Variants in PICK1 observed in about 807,000 individuals in gnomAD.
PICK1 encodes PRKCA-binding protein.
PICK1 carries 23 observed loss-of-function variants against 48.9 expected under a neutral mutation model. The ratio of observed to expected loss-of-function variants is 0.47; its 90% CI spans 0.34 to 0.67. The LOEUF is 0.67. Ranked by LOEUF, PICK1 falls within the 30% of genes least tolerant of loss-of-function variation. PICK1 has a pLI of 0.01. For synonymous variants in PICK1, 217 were observed against 228.2 expected, an observed-to-expected ratio of 0.95 and a Z score of 0.44; for missense variants, 423 against 557.1, an observed-to-expected ratio of 0.76 and a Z score of 2.42.
intron 6 of PICK1, among the ~76,000 whole-genome samples, chr22:38,069,883 C>G (rs1406788627): frequency 9.2e-5 from 14 of 152,198 alleles, no homozygotes; most frequent in Admixed American, 5.9e-4. Flanking sequence ...GTTTTTCCCC[C>G]CAAACCTTGC....
intron 5 of PICK1, chr22:38,068,121 G>A (rs2085577426): frequency 2.1e-6 from 1 of 485,288 alleles, no homozygotes; most frequent in South Asian, 1.5e-5. Flanking sequence ...CATAAAGGGA[G>A]AGCAGCCTAA....
At chr22:38,065,206 A>C in intron 4 of PICK1, 76 bp downstream of exon 4, 2 of 1,500,598 alleles carry the variant, frequency 1.3e-6, no homozygotes, top group South Asian at 2.4e-5. Flanking sequence ...CAGAGGTCCC[A>C]GCAGGCCTGG....
chr22:38,067,235 T>C (rs1201481667), intron 4 of PICK1, among the ~76,000 whole-genome samples: 2 of 150,350 alleles, frequency 1.3e-5, no homozygotes, highest in Non-Finnish European at 3.0e-5. Flanking sequence ...GGGAGGGGCC[T>C]GGGATCAGAC....
In PICK1 at chr22:38,066,780, C is replaced by T. The variant is rs1026553834; in HGVS notation, c.283-924C>T. ...GTTTTATATTTGGATGAATGTGGTC[C>T]CAAGTTCAAGGGCTTTTGGTTTGCA... On this transcript the variant is annotated intron_variant, in intron 4 of 12. Transcript: ENST00000356976. The surrounding 1 kb of genome is among the most constrained non-coding windows in gnomAD (Gnocchi z 4.1). 1.3e-5 allele frequency among the ~76,000 whole-genome samples: 2 copies of T among 152,220 alleles called. No homozygotes were observed. Among genetic ancestry groups the T allele is most frequent in the Non-Finnish European group, 2.9e-5 (2 of 68,040 alleles).
intron 8 of PICK1, chr22:38,072,044 T>C: frequency 2.0e-6 from 1 of 509,540 alleles, no homozygotes; most frequent in African/African-American, 1.9e-5. Context: ...CGACTGCAGC[T>C]GACCCCAGCT....
intron 5 of PICK1, among the ~76,000 whole-genome samples, chr22:38,068,754 G>A (rs547826793): frequency 1.2e-4 from 18 of 152,310 alleles, no homozygotes; most frequent in African/African-American, 4.3e-4. Context: ...TGCTGAGCCC[G>A]GGCAGCACTG....
Position 38,074,290 on chromosome 22 carries a change from T to TGC in PICK1, c.835-17_835-16insGC. ...GGCCGTCCCTGAGCAGGCACTCCTGTCCCACCCCCGCCCCAGGCCCTAGGC... is the reference window on the plus strand; with the variant it reads ...GGCCGTCCCTGAGCAGGCACTCCTGTGCCCCACCCCCGCCCCAGGCCCTAGGC... On this transcript the variant is annotated splice_polypyrimidine_tract_variant and intron_variant, in intron 11 of 12. Transcript: ENST00000356976. This position sits in a 1 kb window ranked among gnomAD's most constrained non-coding sequence, Gnocchi z 4.5. 1 of 1,588,306 alleles carries TGC rather than the reference T, an allele frequency of 6.3e-7. No individual in the cohort carries two copies. The highest frequency in any genetic ancestry group is 8.6e-7 in the Non-Finnish European group (1 of 1,158,186).
chr22:38,070,908 C>T lies in PICK1; in HGVS notation c.493+17C>T. 1.2e-6 allele frequency: 2 copies of T among 1,609,778 alleles called. No homozygotes were observed. Among genetic ancestry groups the T allele is most frequent in the Non-Finnish European group, 1.7e-6 (2 of 1,176,260 alleles). ...TATACAAAGGTGGGTGGGGGGTGGCCTCGTCCTGGCACTAGCTCTACCCCA... is the reference window on the plus strand; with the variant it reads ...TATACAAAGGTGGGTGGGGGGTGGCTTCGTCCTGGCACTAGCTCTACCCCA... On this transcript the variant is annotated intron_variant, in intron 7 of 12. Transcript: ENST00000356976.
intron 3 of PICK1, among the ~76,000 whole-genome samples, chr22:38,064,767 A>G (rs2085485454): frequency 6.6e-6 from 1 of 152,130 alleles, no homozygotes. Context: ...ACTCAAAAAA[A>G]AGAAATCATT....
chr22:38,074,846 C>G lies in PICK1; in HGVS notation c.980-18C>G. 1 of 1,608,646 alleles carries G rather than the reference C, an allele frequency of 6.2e-7. No individual in the cohort carries two copies. Among genetic ancestry groups the G allele is most frequent in the Non-Finnish European group, 8.5e-7 (1 of 1,179,870 alleles). On this transcript the variant is annotated intron_variant, in intron 12 of 12. Coordinates refer to ENST00000356976, the MANE Select transcript of PICK1 (RefSeq NM_012407.4). The surrounding 1 kb of genome is among the most constrained non-coding windows in gnomAD (Gnocchi z 4.5). ...AGCCAGAGCCCACTGCAGCCTGTCC[C>G]CCGACCTCCCACCCCAGTCCAGGAC...
At chr22:38,062,702 A>G (rs1401849427) in intron 3 of PICK1, among the ~76,000 whole-genome samples, 1 of 151,876 alleles carries the variant, frequency 6.6e-6, no homozygotes, top group Non-Finnish European at 1.5e-5. Context: ...TAGCTTTCTG[A>G]GAAAGGGCAC....
At chr22:38,060,962 TG>T (rs1008921227) in intron 3 of PICK1, among the ~76,000 whole-genome samples, 1 of 151,984 alleles carries the variant, frequency 6.6e-6, no homozygotes, top group African/African-American at 2.4e-5. Context: ...TTGGCCGGCC[TG>T]GTCTCGAACT....
intron 4 of PICK1, 26 bp downstream of exon 4, chr22:38,065,156 C>T (rs753571527): frequency 1.2e-6 from 2 of 1,607,524 alleles, no homozygotes; most frequent in Non-Finnish European, 1.7e-6. Context: ...GAGCAGGTGT[C>T]CAGAGGCAGC....
chr22:38,070,870 C>A lies in PICK1; in HGVS notation c.472C>A (p.Arg158=), dbSNP rs781381422. The A allele has an allele frequency of 1.2e-6, 2 of 1,613,886 alleles. No individual in the cohort carries two copies. The highest frequency in any genetic ancestry group is 1.7e-6 in the Non-Finnish European group (2 of 1,179,914). Residue 158 remains arginine (R), a synonymous_variant, in exon 7 of 13, where the codon CGG becomes AGG. Coordinates refer to ENST00000356976, the MANE Select transcript of PICK1 (RefSeq NM_012407.4). ...TGTCAAGAGGCTAGAGGAGCTGGAG[C>A]GGACCGCTGAGCTATACAAAGGTGG... is the stretch of plus-strand genomic sequence containing the variant. The part of the protein sequence containing the change: ...GLVKRLEELE[R]TAELYKGMTE...
Position 38,065,106 on chromosome 22 carries a change from G to A in PICK1, c.258G>A (p.Val86=), listed in dbSNP as rs2085493732. The A allele has an allele frequency of 3.1e-6, 5 of 1,614,062 alleles. No homozygotes were observed. The highest frequency in any genetic ancestry group is 4.2e-6 in the Non-Finnish European group (5 of 1,179,972). The change falls in exon 4 of 13, where the codon GTG becomes GTA. Residue 86 remains valine (V), a synonymous_variant. Coordinates refer to ENST00000356976, the MANE Select transcript of PICK1 (RefSeq NM_012407.4). ...RSIKGKTKVE[V]AKMIQEVKGE... is the part of the protein sequence containing the mutation. ...TCAAAGGGAAAACTAAGGTGGAGGT[G>A]GCGAAGATGATTCAGGAGGTGAAGG... is the stretch of plus-strand genomic sequence containing the variant.
rs757946960 is a variant in PICK1 at position 38,068,993 on chromosome 22, G to T, written c.350-40G>T. ...AGGCTGGGGGCAGGGATGGCCTCTG[G>T]GCAGCCACAGACTCACCAGGTCCTT... is the stretch of plus-strand genomic sequence containing the variant. On this transcript the variant is annotated intron_variant, in intron 5 of 12. Transcript: ENST00000356976. 1.9e-6 allele frequency: 3 copies of T among 1,544,518 alleles called. No homozygotes were observed. The African/African-American group carries it at 4.1e-5, about 21-fold the overall frequency.
Position 38,057,495 on chromosome 22 carries a change from C to G in PICK1, c.-150C>G, listed in dbSNP as rs1179596051. 2.5e-6 allele frequency: 1 copy of G among 401,154 alleles called. No homozygotes were observed. The highest frequency in any genetic ancestry group is 2.0e-5 in the African/African-American group (1 of 49,852). 24.8% of individuals were successfully genotyped at this position (401,154 alleles called of 1,614,324 possible). On this transcript the variant is annotated 5_prime_UTR_variant, in exon 1 of 13. Coordinates refer to ENST00000356976, the MANE Select transcript of PICK1 (RefSeq NM_012407.4). Reference sequence around the variant, plus strand: ...CTGTGGGACCAACGCTTCCGGTGAGCGACAGAGGCAGCTCCCCAGGGCCTG... The same window carrying G: ...CTGTGGGACCAACGCTTCCGGTGAGGGACAGAGGCAGCTCCCCAGGGCCTG...
rs2085786325 is a variant in PICK1, at chr22:38,074,532, G to C, written c.979+81G>C. The C allele has an allele frequency of 1.4e-5, 22 of 1,548,412 alleles. No individual in the cohort carries two copies. The highest frequency in any genetic ancestry group is 1.9e-5 in the Non-Finnish European group (22 of 1,134,884). On this transcript the variant is annotated intron_variant, in intron 12 of 12. Coordinates refer to ENST00000356976, the MANE Select transcript of PICK1 (RefSeq NM_012407.4). This position sits in a 1 kb window ranked among gnomAD's most constrained non-coding sequence, Gnocchi z 4.5. The stretch of plus-strand genomic sequence containing the variant: ...GCCCAGAGGGGTACTCTCAGGGCCA[G>C]GCCACGGCCCAGATGTAAAGCCCCT...
intron 7 of PICK1, among the ~76,000 whole-genome samples, chr22:38,071,307 G>A (rs954852321): frequency 7.2e-5 from 11 of 152,256 alleles, no homozygotes; most frequent in African/African-American, 1.7e-4. Context: ...TCACACCACC[G>A]CACTCTAGTC....
Sources: allele counts gnomAD v4.1 joint callset (sites outside exome capture counted in the v4.1 genomes callset), GRCh38; gene constraint gnomAD v4.1.1; non-coding constraint Gnocchi (gnomAD v3.1); transcripts MANE v1.5; gene names NCBI Gene and HGNC (gene_info 2026-07-23, HGNC 2026-07-21).